The following IFT172 variants were observed in gnomAD, a reference collection of about 807,000 sequenced individuals.
The protein encoded by IFT172 is intraflagellar transport 172, also known as intraflagellar transport protein 172 homolog.
Under a neutral mutation model 248.9 loss-of-function variants are expected in IFT172, and 164 were observed. That is an observed-to-expected ratio of 0.66 (90% CI 0.58 to 0.75). IFT172 has a LOEUF of 0.75. Among genes scored for constraint, IFT172 ranks in the 30% least tolerant of loss-of-function variants. The pLI is 0.00. For missense variants in IFT172, 1,950 were observed against 2,192.4 expected, an observed-to-expected ratio of 0.89 and a Z score of 2.21; for synonymous variants, 729 against 791.6, an observed-to-expected ratio of 0.92 and a Z score of 1.33.
chr2:27,458,649 T>G (rs1177050558), intron 26 of IFT172, 130 bp downstream of exon 26: 1 of 1,014,528 alleles, frequency 9.9e-7, no homozygotes, highest in Admixed American at 2.5e-5. Flanking sequence ...TCAAAGTGGC[T>G]CAGACTGTTT....
intron 29 of IFT172, among the ~76,000 whole-genome samples, chr2:27,457,028 G>C (rs1041181981): frequency 6.6e-6 from 1 of 152,120 alleles, no homozygotes; most frequent in Admixed American, 6.5e-5. Flanking sequence ...CTGGGTGACA[G>C]AGCGAAACTC....
intron 36 of IFT172, 80 bp from the exon 37 acceptor site, chr2:27,449,880 A>G (rs1665500774): frequency 7.0e-7 from 1 of 1,422,426 alleles, no homozygotes; most frequent in African/African-American, 1.4e-5. Context: ...CTGTTTCCCC[A>G]GGACTGCAAG....
intron 14 of IFT172, among the ~76,000 whole-genome samples, chr2:27,475,818 G>A (rs963587801): frequency 2.0e-5 from 3 of 150,760 alleles, no homozygotes; most frequent in Non-Finnish European, 4.4e-5. Context: ...TTTTCATAGA[G>A]ATAGGGTCTC....
Position 27,449,169 on chromosome 2 carries a change from T to C in IFT172, c.4311+125A>G, listed in dbSNP as rs1004878257. ...TGACCCCAGTTTCAGACTGAGCTTC[T>C]CTGATGCCCATTAGAAATCTTTGGG... On this transcript the variant is annotated intron_variant, in intron 39 of 47. Transcript: ENST00000260570. The C allele has an allele frequency of 2.3e-6, 3 of 1,284,460 alleles. No homozygotes were observed. In the African/African-American group the frequency reaches 4.4e-5, roughly 19 times the overall value. The allele number at this position is 1,284,460 out of a possible 1,614,324, so 79.6% of individuals were successfully genotyped here. A position where few individuals can be genotyped will look rare whatever the true frequency, so the allele number is the denominator to read the frequency against.
chr2:27,465,192 T>C (rs555428331), intron 18 of IFT172: 15 of 553,338 alleles, frequency 2.7e-5, no homozygotes, highest in African/African-American at 2.6e-4. Flanking sequence ...AGTGCTGGGA[T>C]TACAGGCATC....
chr2:27,462,336 G>A (rs1353831432), intron 20 of IFT172, among the ~76,000 whole-genome samples: 1 of 152,066 alleles, frequency 6.6e-6, no homozygotes, highest in Non-Finnish European at 1.5e-5. Flanking sequence ...CCTGGCCTAA[G>A]GCAACTGTTC....
intron 18 of IFT172, 166 bp downstream of exon 18, chr2:27,465,245 G>A: frequency 1.6e-6 from 1 of 634,916 alleles, no homozygotes; most frequent in Non-Finnish European, 2.8e-6. Context: ...AATCTAGGAT[G>A]GGAGAGTGTT....
In IFT172 at chr2:27,479,647, C is replaced by A. The variant is rs773096444; in HGVS notation, c.910-43G>T. The A allele has an allele frequency of 2.5e-6, 3 of 1,191,406 alleles. No homozygotes were observed. The East Asian group carries it at 7.0e-5, about 28-fold the overall frequency. 73.8% of individuals were successfully genotyped at this position (1,191,406 alleles called of 1,614,324 possible). A position where few individuals can be genotyped will look rare whatever the true frequency, so the allele number is the denominator to read the frequency against. ...AGCATAAAAGGTCACACACATAGTA[C>A]ACTGGCATGGGGAGAGTATCTAGAG... On this transcript the variant is annotated intron_variant, in intron 9 of 47. Coordinates refer to ENST00000260570, the MANE Select transcript of IFT172 (RefSeq NM_015662.3).
chr2:27,483,881 A>G lies in IFT172; in HGVS notation c.393T>C (p.Ala131=). Residue 131 remains alanine, a synonymous_variant, in exon 5 of 48, where the codon GCT becomes GCC. Transcript: ENST00000260570. ...PAEYIIVFGL[A]EGKVRLANTK... is the part of the protein sequence containing the mutation. Reference sequence around the variant, plus strand: ...CCCTTCCCTCTTTTACCTTCCCTTCAGCCAGTCCAAAGACAATGATGTATT... The same window carrying G: ...CCCTTCCCTCTTTTACCTTCCCTTCGGCCAGTCCAAAGACAATGATGTATT... The G allele has an allele frequency of 1.9e-6, 3 of 1,613,190 alleles. No individual in the cohort carries two copies. Among genetic ancestry groups the G allele is most frequent in the Non-Finnish European group, 2.5e-6 (3 of 1,179,208 alleles).
At chr2:27,475,242 A>G (rs1572807692) in intron 14 of IFT172, among the ~76,000 whole-genome samples, 1 of 152,234 alleles carries the variant, frequency 6.6e-6, no homozygotes, top group South Asian at 2.1e-4. Flanking sequence ...GTGGGAATAG[A>G]AATTGGTATA....
At chr2:27,484,973 C>A (rs1352881537) in intron 3 of IFT172, 45 bp downstream of exon 3, 1 of 1,110,034 alleles carries the variant, frequency 9.0e-7, no homozygotes, top group South Asian at 1.3e-5. Context: ...CTCTTGCCTT[C>A]CCCTTCTTTC....
In IFT172 at chr2:27,462,748, T is replaced by C. The variant is rs61740784; in HGVS notation, c.2068A>G (p.Met690Val). 6 of 1,614,126 alleles carry C rather than the reference T, an allele frequency of 3.7e-6. No individual in the cohort carries two copies. Among genetic ancestry groups the C allele is most frequent in the Non-Finnish European group, 8.5e-7 (1 of 1,179,990 alleles). Reference sequence around the variant, plus strand: ...GCCAGTTTGTAGTTCTTTTCCAGCATGGCTAGACGTGCTCGGACCTGATAA... The same window carrying C: ...GCCAGTTTGTAGTTCTTTTCCAGCACGGCTAGACGTGCTCGGACCTGATAA... ...DFYQVRARLA[M>V]LEKNYKLAEM... Residue 690 changes from methionine (M) to valine (V), a missense_variant, in exon 20 of 48, where the codon ATG becomes GTG. Transcript: ENST00000260570.
intron 14 of IFT172, among the ~76,000 whole-genome samples, chr2:27,474,862 T>C (rs1446710694): frequency 6.6e-6 from 1 of 152,106 alleles, no homozygotes; most frequent in Non-Finnish European, 1.5e-5. Flanking sequence ...TCAAACTGTT[T>C]TTTTTTTTAA....
At chr2:27,485,645 G>A (rs1157519528) in intron 1 of IFT172, 142 bp from the exon 2 acceptor site, 16 of 947,658 alleles carry the variant, frequency 1.7e-5, no homozygotes, top group Non-Finnish European at 2.5e-5. Context: ...GATGCCTGTG[G>A]CCCATGCTGG....
intron 3 of IFT172, 59 bp from the exon 4 acceptor site, chr2:27,484,325 C>T (rs1383014709): frequency 1.1e-5 from 18 of 1,578,178 alleles, no homozygotes; most frequent in Non-Finnish European, 1.1e-5. Context: ...GGCGTGGTGG[C>T]TCATGCCTGT....
chr2:27,444,451 G>A lies in IFT172; in HGVS notation c.5231C>T (p.Thr1744Ile), dbSNP rs1664848414. 1 of 1,613,110 alleles carries A rather than the reference G, an allele frequency of 6.2e-7. No homozygotes were observed. The highest frequency in any genetic ancestry group is 8.5e-7 in the Non-Finnish European group (1 of 1,179,484). ...ISQWCGGLPS[T>I]SFSFQ is the part of the protein sequence containing the mutation. ...TACCAACTACTGAAAGGAAAAGCTG[G>A]TGCTGGGGAGCCCTCCACACCACTG... Residue 1744 changes from threonine (T) to isoleucine (I), a missense_variant, in exon 48 of 48, where the codon ACC becomes ATC. Thr to Ile is a moderately conservative substitution (Grantham distance 89). Around this residue, in one of 3 missense-constraint regions of IFT172, gnomAD observed 620 missense variants for 699.0 expected, o/e 0.89. Transcript: ENST00000260570.
intron 43 of IFT172, 76 bp downstream of exon 43, chr2:27,446,184 C>G: frequency 6.8e-7 from 1 of 1,463,930 alleles, no homozygotes; most frequent in Non-Finnish European, 9.6e-7. Context: ...TTTCCTCTAC[C>G]AGAGCAGAAG....
rs1669042358 is a variant in IFT172, at chr2:27,489,731, A to T, written c.-78T>A. 1 of 1,153,898 alleles carries T rather than the reference A, an allele frequency of 8.7e-7. No individual in the cohort carries two copies. Among genetic ancestry groups the T allele is most frequent in the African/African-American group, 1.5e-5 (1 of 65,716 alleles). 71.5% of individuals were successfully genotyped at this position (1,153,898 alleles called of 1,614,324 possible). ...CCTGGACAACCCGCCACGCAGCCGCAGCGACAGGCACTGACGCTTATGCGA... is the reference window on the plus strand; with the variant it reads ...CCTGGACAACCCGCCACGCAGCCGCTGCGACAGGCACTGACGCTTATGCGA... On this transcript the variant is annotated 5_prime_UTR_variant, in exon 1 of 48. Transcript: ENST00000260570.
rs1474467674 is a variant in IFT172, at chr2:27,461,033, C to T, written c.2503G>A (p.Gly835Ser). 6.2e-7 allele frequency: 1 copy of T among 1,614,144 alleles called. No homozygotes were observed. Among genetic ancestry groups the T allele is most frequent in the Admixed American group, 1.7e-5 (1 of 60,026 alleles). Residue 835 changes from glycine to serine, a missense_variant, in exon 23 of 48, where the codon GGC becomes AGC. Gly to Ser is a moderately conservative substitution (Grantham distance 56). Around this residue, in one of 3 missense-constraint regions of IFT172, gnomAD observed 1,166 missense variants for 1,254.1 expected, o/e 0.93. Transcript: ENST00000260570. ...CTAGTACCTTTCATGAATGCGTTGC[C>T]TTTACGGTAGCACTCCAGGGCCTTC... is the stretch of plus-strand genomic sequence containing the variant. Reference protein sequence around the residue: ...PQKALECYRKGNAFMKAVELA... With the variant: ...PQKALECYRKSNAFMKAVELA...
Sources: allele counts gnomAD v4.1 joint callset (sites outside exome capture counted in the v4.1 genomes callset), GRCh38; gene constraint gnomAD v4.1.1; regional missense constraint gnomAD v4.1.1; transcripts MANE v1.5; gene names NCBI Gene and HGNC (gene_info 2026-07-23, HGNC 2026-07-21).